Variants in CA5A observed in about 807,000 individuals in gnomAD.
The protein encoded by CA5A is carbonic anhydrase 5A, mitochondrial.
CA5A carries 28 observed loss-of-function variants against 37.1 expected under a neutral mutation model. The ratio of observed to expected loss-of-function variants is 0.75; its 90% CI spans 0.56 to 1.03. The LOEUF (loss-of-function observed/expected upper bound fraction) is 1.03. Among genes scored for constraint, CA5A ranks in the 50% least tolerant of loss-of-function variants. CA5A has a pLI of 0.00. For missense variants in CA5A, 444 were observed against 399.9 expected, an observed-to-expected ratio of 1.11 and a Z score of -0.94; for synonymous variants, 171 against 158.4, an observed-to-expected ratio of 1.08 and a Z score of -0.60.
rs1163849503 is a variant in CA5A at position 87,930,750 on chromosome 16, T to G, written c.143-3805A>C. Among the ~76,000 whole-genome samples, 3 of 143,582 alleles carry G rather than the reference T, an allele frequency of 2.1e-5. No homozygotes were observed. The South Asian group carries it at 6.9e-4, about 33-fold the overall frequency. The allele number at this position is 143,582 out of a possible 152,430, so 94.2% of individuals were successfully genotyped here. On this transcript the variant is annotated intron_variant, in intron 1 of 6. Coordinates refer to ENST00000649794, the MANE Select transcript of CA5A (RefSeq NM_001739.2). ...CTTTGGATCTATTTTTTTTTTTTTT[T>G]TCTTTTTTGAGACAGAGTCTCCTTC...
intron 2 of CA5A, among the ~76,000 whole-genome samples, chr16:87,907,603 G>A (rs1045542068): frequency 2.0e-5 from 3 of 152,166 alleles, no homozygotes; most frequent in Non-Finnish European, 4.4e-5. Flanking sequence ...ACTGAGTTAA[G>A]TCCCATCCAG....
At chr16:87,889,148 A>G (rs1597538543) in intron 6 of CA5A, among the ~76,000 whole-genome samples, 1 of 151,050 alleles carries the variant, frequency 6.6e-6, no homozygotes, top group African/African-American at 2.4e-5. Context: ...CAAACTCCTG[A>G]CCTCAGGTTA....
At chr16:87,888,359 TC>T in intron 6 of CA5A, 87 bp from the exon 7 acceptor site, 1 of 1,197,352 alleles carries the variant, frequency 8.4e-7, no homozygotes, top group Non-Finnish European at 1.2e-6. Context: ...TGTGGTCCCC[TC>T]CCATGCTGAA....
chr16:87,902,074 C>T, intron 4 of CA5A, 100 bp from the exon 5 acceptor site: 1 of 1,086,326 alleles, frequency 9.2e-7, no homozygotes, highest in East Asian at 2.4e-5. Context: ...CAATCCTAGG[C>T]CAGGTGCGGT....
At chr16:87,920,679 GTGAT>G (rs2056218032) in intron 2 of CA5A, among the ~76,000 whole-genome samples, 2 of 151,216 alleles carry the variant, frequency 1.3e-5, no homozygotes. Flanking sequence ...GTGCAGTGGC[GTGAT>G]CTCGACTCAC....
rs570806518 is a variant in CA5A, at chr16:87,926,766, C to T, written c.322G>A (p.Asp108Asn). ...CACTCACCTGATGCCTCGGTGGCAT[C>T]GTCAAATTCCACCTGGAAGAGGTAG... is the stretch of plus-strand genomic sequence containing the variant. ...TGYLFQVEFD[D>N]ATEASGISGG... Residue 108 changes from aspartate to asparagine, a missense_variant, in exon 2 of 7, where the codon GAT becomes AAT. Coordinates refer to ENST00000649794, the MANE Select transcript of CA5A (RefSeq NM_001739.2). 35 of 1,613,598 alleles carry T rather than the reference C, an allele frequency of 2.2e-5. No homozygotes were observed. Among genetic ancestry groups the T allele is most frequent in the Non-Finnish European group, 2.9e-5 (34 of 1,179,716 alleles).
At position 87,911,856 on chromosome 16, in the gene CA5A, G is replaced by A. The variant is rs1200510825; in HGVS notation, c.341-6952C>T. ...TGGCCCAGACTAGACGTTTATAAAA[G>A]GATAATGATGCCTACTTCAGGGGCC... On this transcript the variant is annotated intron_variant, in intron 2 of 6. Coordinates refer to ENST00000649794, the MANE Select transcript of CA5A (RefSeq NM_001739.2). The surrounding 1 kb of genome is among the most constrained non-coding windows in gnomAD (Gnocchi z 4.6). Among the ~76,000 whole-genome samples the A allele has an allele frequency of 6.6e-6, 1 of 152,184 alleles. No individual in the cohort carries two copies. The highest frequency in any genetic ancestry group is 1.5e-5 in the Non-Finnish European group (1 of 68,042).
At chr16:87,917,550 A>T (rs1567530241) in intron 2 of CA5A, among the ~76,000 whole-genome samples, 1 of 152,242 alleles carries the variant, frequency 6.6e-6, no homozygotes, top group Non-Finnish European at 1.5e-5. Flanking sequence ...GAGGGAAGAA[A>T]CAGGAGCTAC....
chr16:87,913,164 A>C (rs1022139330), intron 2 of CA5A, among the ~76,000 whole-genome samples: 4 of 152,202 alleles, frequency 2.6e-5, no homozygotes, highest in Admixed American at 6.5e-5. Flanking sequence ...TTATTACCAG[A>C]GACAGGGTTC....
intron 1 of CA5A, among the ~76,000 whole-genome samples, chr16:87,930,794 G>A (rs1218858320): frequency 6.6e-6 from 1 of 150,698 alleles, no homozygotes; most frequent in Non-Finnish European, 1.5e-5. Context: ...AGGCTGGAGT[G>A]CAGTGACGCG....
chr16:87,903,424 G>C (rs2055909857), intron 3 of CA5A, among the ~76,000 whole-genome samples: 1 of 152,170 alleles, frequency 6.6e-6, no homozygotes, highest in African/African-American at 2.4e-5. Context: ...AGGCAACAGA[G>C]TGATACTCAG....
In CA5A at chr16:87,891,889, C is replaced by G. The variant is rs1431860130; in HGVS notation, c.684G>C (p.Trp228Cys). Residue 228 changes from tryptophan to cysteine, a missense_variant, in exon 6 of 7, where the codon TGG (tryptophan) becomes TGC (cysteine). Trp to Cys is a radical substitution (Grantham distance 215, BLOSUM62 -2). Coordinates refer to ENST00000649794, the MANE Select transcript of CA5A (RefSeq NM_001739.2). ...GGGTGGTGAGCGAGCCCGCGTAGGT[C>G]CAGTAATCCCAGCAGGTGGGCAGCA... ...STLLPTCWDY[W>C]TYAGSLTTPP... 6.4e-7 allele frequency: 1 copy of G among 1,571,926 alleles called. No individual in the cohort carries two copies. The highest frequency in any genetic ancestry group is 8.6e-7 in the Non-Finnish European group (1 of 1,160,308).
chr16:87,883,182 G>C (rs755129193), downstream of CA5A: 1 of 152,206 alleles, frequency 6.6e-6, no homozygotes, highest in Middle Eastern at 3.4e-3. Context: ...CAACACGCCC[G>C]GCTGATTTTT....
At chr16:87,891,635 G>A (rs571179245) in intron 6 of CA5A, among the ~76,000 whole-genome samples, 164 bp downstream of exon 6, 9 of 152,176 alleles carry the variant, frequency 5.9e-5, no homozygotes, top group Non-Finnish European at 8.8e-5. Flanking sequence ...ATCTCAACAA[G>A]CTCCTACTTC....
At chr16:87,930,187 T>C (rs950449618) in intron 1 of CA5A, among the ~76,000 whole-genome samples, 2 of 152,166 alleles carry the variant, frequency 1.3e-5, no homozygotes, top group African/African-American at 2.4e-5. Flanking sequence ...TTCTGGCCCG[T>C]GCATTCCCGT....
chr16:87,923,454 C>T (rs2144052192), intron 2 of CA5A: 1 of 756,980 alleles, frequency 1.3e-6, no homozygotes, highest in Non-Finnish European at 1.6e-6. Flanking sequence ...TCCCAAAGTG[C>T]TGGGATTATA....
intron 5 of CA5A, among the ~76,000 whole-genome samples, chr16:87,896,255 G>A (rs564677036): frequency 1.1e-4 from 16 of 152,344 alleles, no homozygotes; most frequent in African/African-American, 3.4e-4. Context: ...GCAGGAATCA[G>A]TCAGGGGAGT....
At chr16:87,895,212 T>G (rs1231429860) in intron 5 of CA5A, among the ~76,000 whole-genome samples, 1 of 152,150 alleles carries the variant, frequency 6.6e-6, no homozygotes, top group African/African-American at 2.4e-5. Flanking sequence ...ATCATACCAC[T>G]GCACTCTAGC....
At chr16:87,923,705 G>C in intron 2 of CA5A, 14 of 985,356 alleles carry the variant, frequency 1.4e-5, no homozygotes, top group Non-Finnish European at 1.7e-5. Flanking sequence ...ACAAACAAAA[G>C]TCCAAAATAA....
Sources: gnomAD v4.1 joint callset for allele counts (sites outside exome capture counted in the v4.1 genomes callset) on GRCh38, gnomAD v4.1.1 for gene constraint, Gnocchi (gnomAD v3.1) non-coding constraint, MANE v1.5 for transcripts, NCBI Gene and HGNC (gene_info 2026-07-23, HGNC 2026-07-21) for gene names.